STOX1: variants seen among roughly 807,000 people sequenced by gnomAD.
The protein encoded by STOX1 is storkhead box 1.
A neutral mutation model predicts 74.8 loss-of-function variants in STOX1; 57 were observed. The observed-to-expected ratio is 0.76, with a 90% CI of 0.62 to 0.95. STOX1 has a LOEUF of 0.95. Among genes scored for constraint, STOX1 ranks in the 40% least tolerant of loss-of-function variants. The pLI, the probability that STOX1 is intolerant of heterozygous loss-of-function variation, is 0.00. For synonymous variants in STOX1, 375 were observed against 401.3 expected, an observed-to-expected ratio of 0.93 and a Z score of 0.78; for missense variants, 1,010 against 1,117.0, an observed-to-expected ratio of 0.90 and a Z score of 1.37.
At position 68,885,466 on chromosome 10, in the gene STOX1, A is replaced by G. The variant is rs1318841133; in HGVS notation, c.1670A>G (p.Asp557Gly). The change falls in exon 3 of 4, where the codon GAT becomes GGT. Residue 557 changes from aspartate (D) to glycine (G), a missense_variant. Coordinates refer to ENST00000298596, the MANE Select transcript of STOX1 (RefSeq NM_152709.5). ...AKEPYAEQPN[D>G]KMEAESIYIN... ...GAGCCATATGCTGAACAACCTAATG[A>G]TAAAATGGAAGCAGAATCCATTTAC... 3 of 1,614,082 alleles carry G rather than the reference A, an allele frequency of 1.9e-6. No individual in the cohort carries two copies. The highest frequency in any genetic ancestry group is 2.5e-6 in the Non-Finnish European group (3 of 1,180,040).
intron 1 of STOX1, among the ~76,000 whole-genome samples, chr10:68,860,176 A>G (rs12764673): frequency 0.26 from 38,989 of 150,768 alleles, 5,383 homozygotes; most frequent in African/African-American, 0.31. Context: ...GCTGAGGCAG[A>G]AGAATCACTT....
intron 1 of STOX1, among the ~76,000 whole-genome samples, chr10:68,863,287 AC>A (rs1222904837): frequency 1.3e-5 from 2 of 152,192 alleles, no homozygotes; most frequent in East Asian, 3.9e-4. Context: ...AGGAATACTC[AC>A]GGCAATGCTG....
In STOX1 at chr10:68,884,653, T is replaced by C. The variant is rs751879596; in HGVS notation, c.857T>C (p.Val286Ala). Residue 286 changes from valine (V) to alanine (A), a missense_variant, in exon 3 of 4, where the codon GTG (valine) becomes GCG (alanine). Val to Ala is a moderately conservative substitution (Grantham distance 64, BLOSUM62 0). Coordinates refer to ENST00000298596, the MANE Select transcript of STOX1 (RefSeq NM_152709.5). Reference sequence around the variant, plus strand: ...TGGGTACAGAATGGGGCAGTTTCAGTGTCTGCGGAGCACCACATTTGTGAG... The same window carrying C: ...TGGGTACAGAATGGGGCAGTTTCAGCGTCTGCGGAGCACCACATTTGTGAG... ...VSWVQNGAVS[V>A]SAEHHICEST... 6.2e-7 allele frequency: 1 copy of C among 1,614,138 alleles called. No individual in the cohort carries two copies. The highest frequency in any genetic ancestry group is 1.7e-5 in the Admixed American group (1 of 60,020).
chr10:68,863,900 T>C (rs753107685), intron 1 of STOX1, among the ~76,000 whole-genome samples: 1 of 151,498 alleles, frequency 6.6e-6, no homozygotes, highest in South Asian at 2.1e-4. Context: ...ATACCTCTAT[T>C]ACAGCTACAA....
intron 1 of STOX1, among the ~76,000 whole-genome samples, chr10:68,853,049 A>C (rs1053154266): frequency 2.6e-5 from 4 of 151,616 alleles, no homozygotes; most frequent in African/African-American, 9.7e-5. Flanking sequence ...CAGCCTCCCG[A>C]GTAGCTGGGA....
chr10:68,852,344 C>T (rs1442520696), intron 1 of STOX1, among the ~76,000 whole-genome samples: 19 of 146,630 alleles, frequency 1.3e-4, no homozygotes, highest in South Asian at 4.4e-4. Context: ...CTGCAAGCTC[C>T]GCTTCCCGGG....
intron 1 of STOX1, among the ~76,000 whole-genome samples, chr10:68,880,164 C>T (rs1202163576): frequency 8.0e-6 from 1 of 124,416 alleles, no homozygotes; most frequent in African/African-American, 2.8e-5. Context: ...TCTTTCTTTC[C>T]TTTTTTTTTT....
intron 1 of STOX1, among the ~76,000 whole-genome samples, chr10:68,855,405 G>A (rs1840095983): frequency 6.6e-6 from 1 of 151,280 alleles, no homozygotes; most frequent in African/African-American, 2.4e-5. Flanking sequence ...ATAGGCATGA[G>A]CCACGGTGCC....
chr10:68,844,265 T>C (rs1294535584), intron 1 of STOX1, among the ~76,000 whole-genome samples: 1 of 151,348 alleles, frequency 6.6e-6, no homozygotes, highest in Non-Finnish European at 1.5e-5. Flanking sequence ...CATCTTTTCA[T>C]GTGTGCTTGT....
Position 68,884,634 on chromosome 10 carries a change from C to G in STOX1, c.838C>G (p.Gln280Glu). 1 of 1,614,048 alleles carries G rather than the reference C, an allele frequency of 6.2e-7. No individual in the cohort carries two copies. Among genetic ancestry groups the G allele is most frequent in the Non-Finnish European group, 8.5e-7 (1 of 1,180,038 alleles). The change falls in exon 3 of 4, where the codon CAG becomes GAG. Residue 280 changes from glutamine (Q) to glutamate (E), a missense_variant. Gln to Glu is a conservative substitution (Grantham distance 29, BLOSUM62 2). Coordinates refer to ENST00000298596, the MANE Select transcript of STOX1 (RefSeq NM_152709.5). ...TCTTGGGGAATCCGTATCTTGGGTA[C>G]AGAATGGGGCAGTTTCAGTGTCTGC... The part of the protein sequence containing the change: ...RGLGESVSWV[Q>E]NGAVSVSAEH...
intron 2 of STOX1, among the ~76,000 whole-genome samples, chr10:68,882,707 T>C (rs761629103): frequency 5.9e-5 from 9 of 151,972 alleles, no homozygotes; most frequent in Non-Finnish European, 1.3e-4. Context: ...CCATGTTGGT[T>C]AGGCTGGTCT....
chr10:68,841,386 C>A (rs1839689859), intron 1 of STOX1, among the ~76,000 whole-genome samples: 1 of 152,202 alleles, frequency 6.6e-6, no homozygotes, highest in African/African-American at 2.4e-5. Flanking sequence ...ATCCCAACCA[C>A]TGATTGCCTT....
At chr10:68,829,052 G>A (rs1222126294) in intron 1 of STOX1, 5 of 954,372 alleles carry the variant, frequency 5.2e-6, no homozygotes, top group Non-Finnish European at 6.2e-6. Flanking sequence ...GAGGCTGCAA[G>A]GGCCATTTGA....
chr10:68,860,933 G>A (rs963791846), intron 1 of STOX1, among the ~76,000 whole-genome samples: 1 of 152,058 alleles, frequency 6.6e-6, no homozygotes, highest in Admixed American at 6.5e-5. Flanking sequence ...GATTGGCCGG[G>A]CGCGGTGGCT....
intron 1 of STOX1, among the ~76,000 whole-genome samples, chr10:68,875,727 A>C (rs1589233109): frequency 6.6e-6 from 1 of 152,308 alleles, no homozygotes; most frequent in East Asian, 1.9e-4. Flanking sequence ...ACCAACTCCA[A>C]GAGCAAGTCA....
chr10:68,872,906 G>T (rs534212783), intron 1 of STOX1, among the ~76,000 whole-genome samples: 5 of 75,372 alleles, frequency 6.6e-5, no homozygotes, highest in South Asian at 1.1e-3. Context: ...TGTAAAATAA[G>T]CGTAATTGTT....
Position 68,860,072 on chromosome 10 carries a change from A to G in STOX1, c.311-21886A>G, listed in dbSNP as rs144609436. ...TATGGGAGGTCGAGATGGGCAGATCACGAGGTCCAGAGTTCGAGACCAGCC... is the reference window on the plus strand; with the variant it reads ...TATGGGAGGTCGAGATGGGCAGATCGCGAGGTCCAGAGTTCGAGACCAGCC... On this transcript the variant is annotated intron_variant, in intron 1 of 3. Coordinates refer to ENST00000298596, the MANE Select transcript of STOX1 (RefSeq NM_152709.5). Among the ~76,000 whole-genome samples the G allele has an allele frequency of 5.3e-3, 806 of 152,028 alleles. 13 individuals carry two copies. The highest frequency in any genetic ancestry group is 0.019 in the African/African-American group (769 of 41,370).
At chr10:68,852,847 GACTT>G (rs111651664) in intron 1 of STOX1, among the ~76,000 whole-genome samples, 5,271 of 151,882 alleles carry the variant, frequency 0.035, 370 homozygotes, top group African/African-American at 0.12. Flanking sequence ...AGTGAAGTCA[GACTT>G]ACTTGTCATA....
At chr10:68,869,051 A>T (rs1227740952) in intron 1 of STOX1, among the ~76,000 whole-genome samples, 1 of 152,240 alleles carries the variant, frequency 6.6e-6, no homozygotes. Context: ...GTGCTGCCTT[A>T]GTGGCCCAAG....
Sources: gnomAD v4.1 joint callset for allele counts (sites outside exome capture counted in the v4.1 genomes callset) on GRCh38, gnomAD v4.1.1 for gene constraint, MANE v1.5 for transcripts, NCBI Gene and HGNC (gene_info 2026-07-23, HGNC 2026-07-21) for gene names.